The following SLC12A4 variants were observed in gnomAD, a reference collection of about 807,000 sequenced individuals.
SLC12A4 encodes the protein solute carrier family 12 member 4.
A neutral mutation model predicts 119.2 loss-of-function variants in SLC12A4; 84 were observed. The observed-to-expected ratio is 0.70, with a 90% CI of 0.59 to 0.85. SLC12A4 has a LOEUF of 0.85. Among genes scored for constraint, SLC12A4 ranks in the 40% least tolerant of loss-of-function variants. SLC12A4 has a pLI of 0.00. For missense variants in SLC12A4, 1,298 were observed against 1,476.3 expected (o/e 0.88, Z 1.98); for synonymous variants, 599 against 604.6 (o/e 0.99, Z 0.14).
intron 1 of SLC12A4, chr16:67,963,835 C>T: frequency 6.7e-7 from 1 of 1,490,752 alleles, no homozygotes; most frequent in Non-Finnish European, 9.1e-7. Flanking sequence ...CGTATGGACA[C>T]TGAGGGACGG....
In SLC12A4 at chr16:67,946,970, C is replaced by T; in HGVS notation, c.2208G>A (p.Leu736=). 6.2e-7 allele frequency: 1 copy of T among 1,613,280 alleles called. No individual in the cohort carries two copies. The highest frequency in any genetic ancestry group is 8.5e-7 in the Non-Finnish European group (1 of 1,180,020). Residue 736 remains leucine (L), a synonymous_variant, in exon 17 of 24, where the codon TTG becomes TTA. Coordinates refer to ENST00000316341, the MANE Select transcript of SLC12A4 (RefSeq NM_005072.5). ...CGGCCTGAGCCTCGCCATAGCTCTCCAAGAAGCTCCCCTGGATGACAGAAC... is the reference window on the plus strand; with the variant it reads ...CGGCCTGAGCCTCGCCATAGCTCTCTAAGAAGCTCCCCTGGATGACAGAAC... ...IVGSVIQGSF[L]ESYGEAQAAE... is the part of the protein sequence containing the mutation.
rs1004570325 is a variant in SLC12A4, at chr16:67,947,313, G to T, written c.2072+18C>A. The T allele has an allele frequency of 3.1e-6, 5 of 1,607,902 alleles. No homozygotes were observed. Among genetic ancestry groups the T allele is most frequent in the Non-Finnish European group, 4.2e-6 (5 of 1,176,586 alleles). ...CTAAGAACCTCTGCGCCCTGGCCAGGGTCTGGCGGGAACTCACCGCCAGTT... is the reference window on the plus strand; with the variant it reads ...CTAAGAACCTCTGCGCCCTGGCCAGTGTCTGGCGGGAACTCACCGCCAGTT... On this transcript the variant is annotated intron_variant, in intron 16 of 23. Transcript: ENST00000316341.
At chr16:67,947,221 G>A in intron 16 of SLC12A4, 110 bp downstream of exon 16, 1 of 1,490,330 alleles carries the variant, frequency 6.7e-7, no homozygotes, top group Non-Finnish European at 9.1e-7. Context: ...TGGCCCAGGA[G>A]GGTGCCCCGG....
chr16:67,963,652 A>C (rs2030703540), intron 1 of SLC12A4, 93 bp from the exon 2 acceptor site: 1 of 972,400 alleles, frequency 1.0e-6, no homozygotes, highest in Non-Finnish European at 1.5e-6. Context: ...ATTTCTGTGG[A>C]GCACTTTGGA....
rs1408763635 is a variant in SLC12A4, at chr16:67,957,793, G to C, written c.493C>G (p.Leu165Val). 4.3e-6 allele frequency: 7 copies of C among 1,614,046 alleles called. No homozygotes were observed. The highest frequency in any genetic ancestry group is 1.7e-5 in the Admixed American group (1 of 60,016). ...LIVLICCCCT[L>V]LTAISMSAIA... is the part of the protein sequence containing the mutation. ...GCACTCATGGAGATGGCCGTCAGCA[G>C]GGTCTGTGGGAAGGAGGGCCTGGGT... Residue 165 changes from leucine (L) to valine (V), a missense_variant, in exon 5 of 24, where the codon CTG becomes GTG. By Grantham distance (32) the Leu-to-Val change is conservative. Transcript: ENST00000316341.
chr16:67,944,178 GGGCCAGTGGGAGGGACGGCCT>G lies in SLC12A4; in HGVS notation c.*641_*661del, dbSNP rs1322728444. ...TGGTGTGGGAGTGGGAGGGGCCCTAGGGCCAGTGGGAGGGACGGCCTGGCCAGTGGGGGTTGTGGCCAGAGA... is the reference window on the plus strand; with the variant it reads ...TGGTGTGGGAGTGGGAGGGGCCCTAGGGCCAGTGGGGGTTGTGGCCAGAGA... On this transcript the variant is annotated 3_prime_UTR_variant, in exon 24 of 24. Coordinates refer to ENST00000316341, the MANE Select transcript of SLC12A4 (RefSeq NM_005072.5). This position sits in a 1 kb window ranked among gnomAD's most constrained non-coding sequence, Gnocchi z 6.6. 2.7e-6 allele frequency: 4 copies of G among 1,507,520 alleles called. No individual in the cohort carries two copies. Among genetic ancestry groups the G allele is most frequent in the South Asian group, 2.5e-5 (2 of 80,900 alleles). 93.4% of individuals were successfully genotyped at this position (1,507,520 alleles called of 1,614,324 possible).
rs2029960917 is a variant in SLC12A4 at position 67,952,312 on chromosome 16, G to C, written c.789C>G (p.Thr263=). The stretch of plus-strand genomic sequence containing the variant: ...ACTTGACCCCCACAAACACCACCAG[G>C]GTCATGAAGGTCAGGAAAATGGTCC... ...VYGTIFLTFM[T]LVVFVGVKYV... The change falls in exon 7 of 24, where the codon ACC becomes ACG. Residue 263 remains threonine, a synonymous_variant. Coordinates refer to ENST00000316341, the MANE Select transcript of SLC12A4 (RefSeq NM_005072.5). 4 of 1,613,992 alleles carry C rather than the reference G, an allele frequency of 2.5e-6. No homozygotes were observed. The African/African-American group carries it at 4.0e-5, about 16-fold the overall frequency.
chr16:67,950,369 G>A lies in SLC12A4; in HGVS notation c.1579C>T (p.Pro527Ser). ...TTGGCAATGGCCTGCAATAGGCGTG[G>A]TGCCCCTGTGAGGCTCTGGAGGCCA... The part of the protein sequence containing the change: ...GAGLQSLTGA[P>S]RLLQAIAKDN... The change falls in exon 12 of 24, where the codon CCA (proline) becomes TCA (serine). Residue 527 changes from proline (P) to serine (S), a missense_variant. Pro to Ser is a moderately conservative substitution (Grantham distance 74). Coordinates refer to ENST00000316341, the MANE Select transcript of SLC12A4 (RefSeq NM_005072.5). This position sits in a 1 kb window ranked among gnomAD's most constrained non-coding sequence, Gnocchi z 4.3. 1 of 1,614,054 alleles carries A rather than the reference G, an allele frequency of 6.2e-7. No homozygotes were observed.
At chr16:67,953,259 A>C (rs1598219735) in intron 6 of SLC12A4, among the ~76,000 whole-genome samples, 1 of 132,192 alleles carries the variant, frequency 7.6e-6, no homozygotes, top group African/African-American at 2.9e-5. Flanking sequence ...TGGTGGCATG[A>C]GCCTGTAATC....
At position 67,951,866 on chromosome 16, in the gene SLC12A4, G is replaced by A. The variant is rs1306709053; in HGVS notation, c.1089C>T (p.Thr363=). 9.9e-6 allele frequency: 16 copies of A among 1,613,648 alleles called. No individual in the cohort carries two copies. Among genetic ancestry groups the A allele is most frequent in the East Asian group, 6.7e-5 (3 of 44,890 alleles). ...CDPYFMLNNV[T]EIPGIPGAAA... is the part of the protein sequence containing the mutation. ...CTGCCCCGGGGATGCCAGGGATCTC[G>A]GTCACATTGTTGAGCATGAAGTAGG... Residue 363 remains threonine, a synonymous_variant, in exon 8 of 24, where the codon ACC becomes ACT. Coordinates refer to ENST00000316341, the MANE Select transcript of SLC12A4 (RefSeq NM_005072.5). This position sits in a 1 kb window ranked among gnomAD's most constrained non-coding sequence, Gnocchi z 5.2.
Position 67,957,816 on chromosome 16 carries a change from G to C in SLC12A4, c.490-20C>G. On this transcript the variant is annotated intron_variant, in intron 4 of 23. Coordinates refer to ENST00000316341, the MANE Select transcript of SLC12A4 (RefSeq NM_005072.5). The stretch of plus-strand genomic sequence containing the variant: ...CAGGGTCTGTGGGAAGGAGGGCCTG[G>C]GTGAGCGGCTCAGCTGGGTGGGCTC... 5.0e-6 allele frequency: 8 copies of C among 1,614,174 alleles called. No homozygotes were observed. The Middle Eastern group carries it at 1.3e-3, about 267-fold the overall frequency.
chr16:67,946,683 C>T, intron 17 of SLC12A4, 50 bp from the exon 18 acceptor site: 1 of 1,565,618 alleles, frequency 6.4e-7, no homozygotes, highest in Non-Finnish European at 8.7e-7. Context: ...CTTCCTGCCT[C>T]TGGGCTCCCT....
chr16:67,951,242 C>G lies in SLC12A4; in HGVS notation c.1195G>C (p.Ala399Pro). 6.2e-7 allele frequency: 1 copy of G among 1,614,060 alleles called. No homozygotes were observed. ...CTCTCCTTCAGGCTCGGGGCATCTG[C>G]GGAGGGCAGCCCATGCTTCTCCACG... ...DIVEKHGLPSADAPSLKESLP... is the reference protein window; with the variant it reads ...DIVEKHGLPSPDAPSLKESLP... The change falls in exon 9 of 24, where the codon GCA becomes CCA. Residue 399 changes from alanine to proline, a missense_variant. Physicochemically the swap from Ala to Pro is conservative, Grantham distance 27. Coordinates refer to ENST00000316341, the MANE Select transcript of SLC12A4 (RefSeq NM_005072.5). The surrounding 1 kb of genome is among the most constrained non-coding windows in gnomAD (Gnocchi z 5.2).
At position 67,952,025 on chromosome 16, in the gene SLC12A4, C is replaced by T; in HGVS notation, c.930G>A (p.Leu310=). 6.2e-7 allele frequency: 1 copy of T among 1,613,908 alleles called. No individual in the cohort carries two copies. Among genetic ancestry groups the T allele is most frequent in the Non-Finnish European group, 8.5e-7 (1 of 1,179,970 alleles). ...FDPPVFPVCM[L]GNRTLSRDQF... ...GGTCCCGGGACAGGGTCCTGTTGCC[C>T]AGCATGCATACCCTGTGAGGGACAG... is the stretch of plus-strand genomic sequence containing the variant. Residue 310 remains leucine (L), a synonymous_variant, in exon 8 of 24, where the codon CTG becomes CTA. Coordinates refer to ENST00000316341, the MANE Select transcript of SLC12A4 (RefSeq NM_005072.5).
At chr16:67,952,153 C>T (rs767079801) in intron 7 of SLC12A4, 31 bp downstream of exon 7, 3 of 1,612,904 alleles carry the variant, frequency 1.9e-6, no homozygotes, top group Admixed American at 3.3e-5. Flanking sequence ...GATGTCCATG[C>T]AATGCCCAGA....
At chr16:67,948,246 CG>C (rs975390583) in intron 13 of SLC12A4, 87 bp from the exon 14 acceptor site, 11 of 1,290,444 alleles carry the variant, frequency 8.5e-6, no homozygotes, top group Non-Finnish European at 1.2e-5. Flanking sequence ...AGAAACGGGG[CG>C]TGGCCCGGCC....
chr16:67,964,279 C>G (rs2030760369), intron 1 of SLC12A4, among the ~76,000 whole-genome samples: 1 of 152,218 alleles, frequency 6.6e-6, no homozygotes, highest in Non-Finnish European at 1.5e-5. Context: ...CCGCCGCTTG[C>G]CCCAGGCAAA....
intron 5 of SLC12A4, among the ~76,000 whole-genome samples, chr16:67,955,843 C>T (rs1488150699): frequency 2.6e-5 from 4 of 151,318 alleles, no homozygotes; most frequent in Admixed American, 6.6e-5. Flanking sequence ...CATGCCACTT[C>T]ACTCTAGCCT....
intron 1 of SLC12A4, chr16:67,966,623 C>A: frequency 8.2e-7 from 1 of 1,222,320 alleles, no homozygotes; most frequent in African/African-American, 1.5e-5. Flanking sequence ...GATGAGCAAG[C>A]CCATCTAGGC....
Sources: allele counts gnomAD v4.1 joint callset (sites outside exome capture counted in the v4.1 genomes callset), GRCh38; gene constraint gnomAD v4.1.1; non-coding constraint Gnocchi (gnomAD v3.1); transcripts MANE v1.5; gene names NCBI Gene and HGNC (gene_info 2026-07-23, HGNC 2026-07-21).